Variants in NRG1 observed in about 807,000 individuals in gnomAD.
NRG1 encodes the protein pro-neuregulin-1, membrane-bound isoform.
In NRG1, 18 loss-of-function variants were observed where a neutral mutation model predicts 63.8. That is an observed-to-expected ratio of 0.28 (90% CI 0.19 to 0.42). The LOEUF (loss-of-function observed/expected upper bound fraction) is 0.42. NRG1 is among the 10% of genes least tolerant of loss of function. The pLI is 1.00. For missense variants in NRG1, 762 were observed against 814.7 expected (o/e 0.94, Z 0.79); for synonymous variants, 302 against 301.3 (o/e 1.00, Z -0.02).
chr8:32,116,893 A>G (rs1032347414), intron 1 of NRG1, among the ~76,000 whole-genome samples: 1 of 151,092 alleles, frequency 6.6e-6, no homozygotes, highest in African/African-American at 2.4e-5. Context: ...CTGTAATCTC[A>G]ACCCTTGAGA....
At chr8:32,545,734 A>G (rs556609477), upstream of NRG1, among the ~76,000 whole-genome samples, 3 of 152,340 alleles carry the variant, frequency 2.0e-5, no homozygotes, top group South Asian at 2.1e-4. Context: ...TAAATAACAT[A>G]AAGACCTAAC....
intron 1 of NRG1, among the ~76,000 whole-genome samples, chr8:32,161,788 G>T (rs1838860569): frequency 6.6e-6 from 1 of 152,168 alleles, no homozygotes; most frequent in African/African-American, 2.4e-5. Flanking sequence ...TCAATACGTG[G>T]CTTCAAGGTC....
At chr8:32,640,245 T>TCACACACACACACACACACACA (rs111977984) in intron 5 of NRG1, among the ~76,000 whole-genome samples, 4 of 147,530 alleles carry the variant, frequency 2.7e-5, no homozygotes, top group African/African-American at 1.0e-4. Flanking sequence ...CTTCTTTTTG[T>TCACACACACACACACACACACA]CACACACACA....
chr8:32,604,703 G>T (rs1441023490), intron 2 of NRG1, among the ~76,000 whole-genome samples: 1 of 152,094 alleles, frequency 6.6e-6, no homozygotes, highest in Non-Finnish European at 1.5e-5. Context: ...AAGTAGCTGG[G>T]ATTCCAGGGG....
intron 1 of NRG1, among the ~76,000 whole-genome samples, chr8:31,768,904 T>C (rs1014036822): frequency 2.6e-5 from 4 of 152,230 alleles, no homozygotes; most frequent in Non-Finnish European, 5.9e-5. Flanking sequence ...CCACTTTCTC[T>C]GGACACCAGC....
rs933230882 is a variant in NRG1, at chr8:32,434,087, A to G, written c.38-161741A>G. 9.2e-5 allele frequency among the ~76,000 whole-genome samples: 14 copies of G among 152,012 alleles called. No homozygotes were observed. In the East Asian group the frequency reaches 2.7e-3, roughly 30 times the overall value. On this transcript the variant is annotated intron_variant, in intron 1 of 10. Coordinates refer to the NRG1 transcript ENST00000519301. ...TGTAATCCCAGCTACTTGGGAGGCTAAGGCAGGAGAATCACTTGAACCAGG... is the reference window on the plus strand; with the variant it reads ...TGTAATCCCAGCTACTTGGGAGGCTGAGGCAGGAGAATCACTTGAACCAGG...
chr8:31,872,668 G>C (rs1167476600), intron 1 of NRG1, among the ~76,000 whole-genome samples: 1 of 152,166 alleles, frequency 6.6e-6, no homozygotes, highest in Admixed American at 6.6e-5. Context: ...AGTCATAGTG[G>C]ATAACCTCAA....
chr8:32,209,985 A>C (rs938996404), intron 1 of NRG1, among the ~76,000 whole-genome samples: 1 of 152,112 alleles, frequency 6.6e-6, no homozygotes, highest in African/African-American at 2.4e-5. Context: ...TGAAGGGATG[A>C]TTTTTTAGTT....
rs577348809 is a variant in NRG1, at chr8:32,166,649, C to T, written c.38-429179C>T. Among the ~76,000 whole-genome samples the T allele has an allele frequency of 3.3e-5, 5 of 152,272 alleles. No individual in the cohort carries two copies. The East Asian group carries it at 9.6e-4, about 29-fold the overall frequency. ...GTTGAGGGAGACAACATGGACCTCC[C>T]CTGATGGTAACAGTGCTATGTCCAA... is the stretch of plus-strand genomic sequence containing the variant. On this transcript the variant is annotated intron_variant, in intron 1 of 10. Coordinates refer to the NRG1 transcript ENST00000519301.
intron 1 of NRG1, among the ~76,000 whole-genome samples, chr8:32,590,782 T>A (rs1842391664): frequency 6.6e-6 from 1 of 152,160 alleles, no homozygotes; most frequent in Non-Finnish European, 1.5e-5. Context: ...AAAGAAAATT[T>A]ACTCTGTTGA....
At chr8:32,338,319 G>A (rs1298039850) in intron 1 of NRG1, among the ~76,000 whole-genome samples, 2 of 152,130 alleles carry the variant, frequency 1.3e-5, no homozygotes, top group African/African-American at 4.8e-5. Flanking sequence ...TTTTGTCTTT[G>A]TTGGAGCCTG....
intron 5 of NRG1, among the ~76,000 whole-genome samples, chr8:32,656,624 T>C (rs1053118088): frequency 6.6e-6 from 1 of 152,200 alleles, no homozygotes; most frequent in Non-Finnish European, 1.5e-5. Context: ...ACTAGAAATA[T>C]GTGAGATCCT....
chr8:32,539,818 C>T (rs780289937), intron 1 of NRG1, among the ~76,000 whole-genome samples: 12 of 151,854 alleles, frequency 7.9e-5, no homozygotes, highest in Non-Finnish European at 1.8e-4. Context: ...GAAAAAGACA[C>T]ACAGAAAGTC....
chr8:32,168,720 G>GCC (rs1839664997), intron 1 of NRG1, among the ~76,000 whole-genome samples: 1 of 152,172 alleles, frequency 6.6e-6, no homozygotes, highest in Admixed American at 6.5e-5. Context: ...GAAGAGGAAA[G>GCC]CCGCTGGCTG....
intron 5 of NRG1, among the ~76,000 whole-genome samples, chr8:32,641,059 CT>C (rs1852290595): frequency 6.6e-6 from 1 of 151,786 alleles, no homozygotes; most frequent in African/African-American, 2.4e-5. Context: ...GGGAGGATTG[CT>C]TGAGCCCAGG....
intron 5 of NRG1, among the ~76,000 whole-genome samples, chr8:32,650,218 T>C (rs989518930): frequency 1.3e-5 from 2 of 151,996 alleles, no homozygotes; most frequent in African/African-American, 4.8e-5. Flanking sequence ...CCTTATCAGT[T>C]TTTTTTTCCC....
At chr8:31,688,812 T>C (rs186813687) in intron 1 of NRG1, among the ~76,000 whole-genome samples, 2 of 152,350 alleles carry the variant, frequency 1.3e-5, no homozygotes, top group Non-Finnish European at 2.9e-5. Context: ...CTGTTGCTGA[T>C]GTAACAAATT....
intron 1 of NRG1, among the ~76,000 whole-genome samples, chr8:32,272,940 A>G (rs1305402851): frequency 6.6e-6 from 1 of 152,210 alleles, no homozygotes. Context: ...ATTGAAAAGA[A>G]GCATATTTAT....
At chr8:31,792,950 C>A (rs116705725) in intron 1 of NRG1, among the ~76,000 whole-genome samples, 2 of 152,234 alleles carry the variant, frequency 1.3e-5, no homozygotes, top group Non-Finnish European at 2.9e-5. Context: ...GTTTCTAATT[C>A]TCACACCCAT....
Sources: gnomAD v4.1 joint callset for allele counts (sites outside exome capture counted in the v4.1 genomes callset) on GRCh38, gnomAD v4.1.1 for gene constraint, MANE v1.5 for transcripts, NCBI Gene and HGNC (gene_info 2026-07-23, HGNC 2026-07-21) for gene names.